PCBD1: variants seen among roughly 807,000 people sequenced by gnomAD.
PCBD1 encodes pterin-4 alpha-carbinolamine dehydratase 1, also known as pterin-4-alpha-carbinolamine dehydratase.
In PCBD1, 16 loss-of-function variants were observed where a neutral mutation model predicts 12.6. That is an observed-to-expected ratio of 1.27 (90% CI 0.86 to 1.93). PCBD1 has a LOEUF of 1.93. Among genes scored for constraint, PCBD1 ranks in the 30% most tolerant of loss-of-function variants. The probability of loss-of-function intolerance (pLI) is 0.00; values close to 1 mark genes in which losing one functional copy is unlikely to be tolerated. For synonymous variants in PCBD1, 53 were observed against 50.2 expected (o/e 1.05, Z -0.23); for missense variants, 86 against 130.1 (o/e 0.66, Z 1.65).
chr10:70,886,038 G>A, intron 1 of PCBD1, 109 bp from the exon 2 acceptor site: 1 of 1,426,254 alleles, frequency 7.0e-7, no homozygotes, highest in Non-Finnish European at 9.6e-7. Context: ...CTTTGGACGT[G>A]GGTGACCAAA....
rs1846533807 is a variant in PCBD1 at position 70,883,734 on chromosome 10, GC to G, written c.*215del. On this transcript the variant is annotated 3_prime_UTR_variant, in exon 4 of 4. Coordinates refer to ENST00000299299, the MANE Select transcript of PCBD1 (RefSeq NM_000281.4). ...AGTTTATTCAAATTAGTGTAACAGAGCCCCCAGGATGAAGAGAGTGGTGCAG... is the reference window on the plus strand; with the variant it reads ...AGTTTATTCAAATTAGTGTAACAGAGCCCCAGGATGAAGAGAGTGGTGCAG... 1.4e-6 allele frequency: 2 copies of G among 1,421,794 alleles called. No homozygotes were observed. The allele number at this position is 1,421,794 out of a possible 1,614,324, so 88.1% of individuals were successfully genotyped here. A position where few individuals can be genotyped will look rare whatever the true frequency, so the allele number is the denominator to read the frequency against.
chr10:70,882,917 C>T (rs1846521274), downstream of PCBD1, among the ~76,000 whole-genome samples: 1 of 152,166 alleles, frequency 6.6e-6, no homozygotes, highest in Non-Finnish European at 1.5e-5. Context: ...CATCTCTAAT[C>T]TGAAAATCAG....
intron 1 of PCBD1, chr10:70,888,214 T>A (rs1846618582): frequency 3.3e-6 from 1 of 301,232 alleles, no homozygotes; most frequent in South Asian, 8.5e-5. Flanking sequence ...CGTGGACTCC[T>A]CCACGACTGT....
Position 70,885,936 on chromosome 10 carries a change from G to A in PCBD1, c.4-7C>T. On this transcript the variant is annotated splice_polypyrimidine_tract_variant and splice_region_variant and intron_variant, in intron 1 of 3. Coordinates refer to ENST00000299299, the MANE Select transcript of PCBD1 (RefSeq NM_000281.4). Reference sequence around the variant, plus strand: ...GCCTGTGTGCTTTGCCAGCCTAGAAGAGGGAAAAAAACAGAGGCCCAAGGG... The same window carrying A: ...GCCTGTGTGCTTTGCCAGCCTAGAAAAGGGAAAAAAACAGAGGCCCAAGGG... The A allele has an allele frequency of 6.2e-7, 1 of 1,613,460 alleles. No individual in the cohort carries two copies. The highest frequency in any genetic ancestry group is 8.5e-7 in the Non-Finnish European group (1 of 1,179,832).
At position 70,884,072 on chromosome 10, in the gene PCBD1, C is replaced by T; in HGVS notation, c.217-24G>A. 1.9e-6 allele frequency: 3 copies of T among 1,608,366 alleles called. No homozygotes were observed. The East Asian group carries it at 6.7e-5, about 36-fold the overall frequency. The stretch of plus-strand genomic sequence containing the variant: ...ACCTGAAATGAAACCAGAAATTCTG[C>T]TTCCACTGACTTCACTTAAGAACAG... On this transcript the variant is annotated intron_variant, in intron 3 of 3. Transcript: ENST00000299299.
At chr10:70,887,528 G>A (rs1846603589) in intron 1 of PCBD1, among the ~76,000 whole-genome samples, 1 of 152,116 alleles carries the variant, frequency 6.6e-6, no homozygotes, top group South Asian at 2.1e-4. Context: ...GTCAGCCAAA[G>A]CATCAGAGCC....
At chr10:70,886,428 C>T (rs905666550) in intron 1 of PCBD1, among the ~76,000 whole-genome samples, 10 of 152,178 alleles carry the variant, frequency 6.6e-5, no homozygotes, top group African/African-American at 2.2e-4. Flanking sequence ...GTAACTTTCA[C>T]GTGTATTGAA....
Position 70,888,520 on chromosome 10 carries a change from C to A in PCBD1, c.3+11G>T, listed in dbSNP as rs1303857902. ...GCTGCCCCGATCGCGGCCGCGCACC[C>A]CTGGACTCACCATGGCGCGGGCGGC... On this transcript the variant is annotated intron_variant, in intron 1 of 3. Transcript: ENST00000299299. 9.1e-6 allele frequency: 12 copies of A among 1,319,806 alleles called. No individual in the cohort carries two copies. The highest frequency in any genetic ancestry group is 2.1e-5 in the South Asian group (1 of 48,294). The allele number at this position is 1,319,806 out of a possible 1,614,324, so 81.8% of individuals were successfully genotyped here. A position where few individuals can be genotyped will look rare whatever the true frequency, so the allele number is the denominator to read the frequency against.
At chr10:70,884,478 A>ATTTTTTTTT (rs71012255) in intron 3 of PCBD1, among the ~76,000 whole-genome samples, 1 of 108,466 alleles carries the variant, frequency 9.2e-6, no homozygotes, top group Non-Finnish European at 1.7e-5. Context: ...ATGTGTCTGT[A>ATTTTTTTTT]TTTTTTTTTT....
chr10:70,886,411 C>T (rs1239669456), intron 1 of PCBD1, among the ~76,000 whole-genome samples: 1 of 152,210 alleles, frequency 6.6e-6, no homozygotes, highest in African/African-American at 2.4e-5. Flanking sequence ...CACCCCACGT[C>T]CCTACCGTAA....
rs1846622523 is a variant in PCBD1, at chr10:70,888,400, C to T, written c.3+131G>A. On this transcript the variant is annotated intron_variant, in intron 1 of 3. Transcript: ENST00000299299. ...CCAGCGACAGAGAGCCGGGCAGAGA[C>T]CCCACTTTCGGACCCCGGCGGCTCC... 3.8e-6 allele frequency: 4 copies of T among 1,047,442 alleles called. No homozygotes were observed. The South Asian group carries it at 5.5e-5, about 14-fold the overall frequency. The allele number at this position is 1,047,442 out of a possible 1,614,324, so 64.9% of individuals were successfully genotyped here.
chr10:70,885,307 G>A (rs1433492044), intron 2 of PCBD1, 75 bp from the exon 3 acceptor site: 9 of 1,081,174 alleles, frequency 8.3e-6, no homozygotes. Context: ...TCAAGGCCTA[G>A]ACGCAGGAGG....
At chr10:70,886,648 A>T (rs1376426227) in intron 1 of PCBD1, among the ~76,000 whole-genome samples, 1 of 152,226 alleles carries the variant, frequency 6.6e-6, no homozygotes, top group Non-Finnish European at 1.5e-5. Flanking sequence ...TCATGCTCCC[A>T]GGCAGCCTCT....
In PCBD1 at chr10:70,883,878, C is replaced by T. The variant is rs187216939; in HGVS notation, c.*72G>A. On this transcript the variant is annotated 3_prime_UTR_variant, in exon 4 of 4. Transcript: ENST00000299299. The stretch of plus-strand genomic sequence containing the variant: ...GGGAGTGGTGGGAGGGTAAGGGCTC[C>T]TCAGCTCCCTCCCTGGACTCCCAGT... 19 of 1,562,758 alleles carry T rather than the reference C, an allele frequency of 1.2e-5. No individual in the cohort carries two copies. The Admixed American group carries it at 2.1e-4, about 17-fold the overall frequency.
At chr10:70,886,762 G>A (rs975307512) in intron 1 of PCBD1, among the ~76,000 whole-genome samples, 2 of 152,214 alleles carry the variant, frequency 1.3e-5, no homozygotes, top group Non-Finnish European at 2.9e-5. Context: ...AAGGCAGCTG[G>A]CAAACCTAGT....
rs747918749 is a variant in PCBD1 at position 70,885,210 on chromosome 10, A to G, written c.158T>C (p.Val53Ala). ...FNRAFGFMTR[V>A]ALQAEKLDHH... is the part of the protein sequence containing the mutation. ...GTCCAGTTTCTCAGCCTGCAGGGCC[A>G]CTCTTGTCATGAACCCAAAGGCCTA... The change falls in exon 3 of 4, where the codon GTG becomes GCG. Residue 53 changes from valine to alanine, a missense_variant. Physicochemically the swap from Val to Ala is moderately conservative, Grantham distance 64 (BLOSUM62 0). Transcript: ENST00000299299. 1 of 1,613,842 alleles carries G rather than the reference A, an allele frequency of 6.2e-7. No homozygotes were observed. The highest frequency in any genetic ancestry group is 2.2e-5 in the East Asian group (1 of 44,890).
chr10:70,883,188 G>A (rs1252927134), downstream of PCBD1, among the ~76,000 whole-genome samples: 5 of 120,450 alleles, frequency 4.2e-5, no homozygotes, highest in Admixed American at 4.5e-4. Context: ...AAAGCCTCCA[G>A]ATTTGCCCTT....
intron 1 of PCBD1, among the ~76,000 whole-genome samples, chr10:70,887,127 G>A (rs942178867): frequency 4.6e-5 from 7 of 152,070 alleles, no homozygotes; most frequent in African/African-American, 1.7e-4. Flanking sequence ...TACCTCTCTT[G>A]GCAGAACCTC....
chr10:70,885,247 T>G lies in PCBD1; in HGVS notation c.136-15A>C. On this transcript the variant is annotated splice_polypyrimidine_tract_variant and intron_variant, in intron 2 of 3. Transcript: ENST00000299299. ...AACCCAAAGGCCTATTTAAGTGGAG[T>G]GAGAGCCAGGTTAGTGTTCTAAGAG... 1 of 1,606,772 alleles carries G rather than the reference T, an allele frequency of 6.2e-7. No individual in the cohort carries two copies. The highest frequency in any genetic ancestry group is 2.2e-5 in the East Asian group (1 of 44,852).
Sources: gnomAD v4.1 joint callset for allele counts (sites outside exome capture counted in the v4.1 genomes callset) on GRCh38, gnomAD v4.1.1 for gene constraint, MANE v1.5 for transcripts, NCBI Gene and HGNC (gene_info 2026-07-23, HGNC 2026-07-21) for gene names.